CHCHD6: variants seen among roughly 807,000 people sequenced by gnomAD.
CHCHD6 encodes MICOS complex subunit MIC25.
A neutral mutation model predicts 32.3 loss-of-function variants in CHCHD6; 28 were observed. The ratio of observed to expected loss-of-function variants is 0.87; its 90% CI spans 0.64 to 1.19. The LOEUF is 1.19. Ranked by LOEUF, CHCHD6 falls within the 50% of genes most tolerant of loss-of-function variation. CHCHD6 has a pLI of 0.00. For synonymous variants in CHCHD6, 122 were observed against 117.5 expected, an observed-to-expected ratio of 1.04 and a Z score of -0.25; for missense variants, 333 against 307.0, an observed-to-expected ratio of 1.08 and a Z score of -0.63.
intron 4 of CHCHD6, among the ~76,000 whole-genome samples, chr3:126,755,786 T>C (rs1170851913): frequency 6.6e-6 from 1 of 152,102 alleles, no homozygotes; most frequent in Non-Finnish European, 1.5e-5. Context: ...TTGTGAAATA[T>C]CCAGGTGTTG....
At chr3:126,748,690 T>C (rs547721118) in intron 4 of CHCHD6, among the ~76,000 whole-genome samples, 1 of 152,304 alleles carries the variant, frequency 6.6e-6, no homozygotes, top group East Asian at 1.9e-4. Flanking sequence ...TCAAGGGGTA[T>C]TTATCACCAA....
chr3:126,902,918 C>A (rs1404337103), intron 5 of CHCHD6, among the ~76,000 whole-genome samples: 1 of 152,050 alleles, frequency 6.6e-6, no homozygotes, highest in Non-Finnish European at 1.5e-5. Context: ...TGGAAGCCAT[C>A]CTTTGAGTAG....
At chr3:126,761,074 C>T (rs1490220249) in intron 4 of CHCHD6, among the ~76,000 whole-genome samples, 1 of 152,244 alleles carries the variant, frequency 6.6e-6, no homozygotes, top group South Asian at 2.1e-4. Flanking sequence ...AAGCGATCCT[C>T]CTGCCTTGGC....
intron 1 of CHCHD6, among the ~76,000 whole-genome samples, chr3:126,716,605 A>G (rs917514788): frequency 3.0e-4 from 46 of 152,002 alleles, no homozygotes; most frequent in African/African-American, 1.0e-3. Context: ...ATAAATATTT[A>G]ATTCATGTGG....
rs116547886 is a variant in CHCHD6 at position 126,941,929 on chromosome 3, C to G, written c.567-15487C>G. ...CACAGACCACACTTCACCTGCTACC[C>G]TAATGTTGTCGTTTCCTTTCTGGTC... On this transcript the variant is annotated intron_variant, in intron 6 of 7. Transcript: ENST00000290913. Among the ~76,000 whole-genome samples the G allele has an allele frequency of 3.5e-3, 533 of 152,332 alleles. 10 individuals carry two copies. Among genetic ancestry groups the G allele is most frequent in the African/African-American group, 0.012 (517 of 41,566 alleles).
chr3:126,759,985 G>C (rs955700335), intron 4 of CHCHD6, among the ~76,000 whole-genome samples: 1 of 152,146 alleles, frequency 6.6e-6, no homozygotes, highest in African/African-American at 2.4e-5. Flanking sequence ...CTCACATGGT[G>C]AGAACAGGAG....
At chr3:126,778,288 C>G (rs1412650219) in intron 4 of CHCHD6, among the ~76,000 whole-genome samples, 1 of 152,166 alleles carries the variant, frequency 6.6e-6, no homozygotes, top group East Asian at 1.9e-4. Context: ...ATATACTTTG[C>G]AATGGAATGG....
At chr3:126,877,847 T>C (rs1219637410) in intron 5 of CHCHD6, among the ~76,000 whole-genome samples, 1 of 152,208 alleles carries the variant, frequency 6.6e-6, no homozygotes, top group Non-Finnish European at 1.5e-5. Flanking sequence ...GTCTGAATTA[T>C]TTATTAGCAC....
intron 5 of CHCHD6, among the ~76,000 whole-genome samples, chr3:126,857,416 A>T (rs540852389): frequency 1.6e-4 from 24 of 152,142 alleles, no homozygotes; most frequent in Non-Finnish European, 2.8e-4. Flanking sequence ...TCCTCCCTGT[A>T]CCTTTCAGAT....
intron 4 of CHCHD6, among the ~76,000 whole-genome samples, chr3:126,799,016 G>T (rs941097973): frequency 2.0e-5 from 3 of 152,194 alleles, no homozygotes; most frequent in African/African-American, 7.2e-5. Flanking sequence ...TCTGGTGCTG[G>T]TGAGGTGTTC....
intron 1 of CHCHD6, among the ~76,000 whole-genome samples, chr3:126,707,025 G>T (rs1482545962): frequency 6.6e-6 from 1 of 152,134 alleles, no homozygotes; most frequent in Non-Finnish European, 1.5e-5. Context: ...TCAGCACTTT[G>T]GGAGGCCGAA....
chr3:126,921,327 G>T (rs1171854564), intron 6 of CHCHD6, among the ~76,000 whole-genome samples: 1 of 152,172 alleles, frequency 6.6e-6, no homozygotes, highest in Admixed American at 6.5e-5. Context: ...AGGGCCTCTT[G>T]TTTTGGAAGA....
intron 5 of CHCHD6, among the ~76,000 whole-genome samples, chr3:126,877,322 G>A (rs899234942): frequency 3.3e-5 from 5 of 152,124 alleles, no homozygotes; most frequent in Admixed American, 1.3e-4. Flanking sequence ...TTGGGAGGCC[G>A]AGGTGGGTGG....
At chr3:126,730,893 G>C (rs1270321161) in intron 3 of CHCHD6, among the ~76,000 whole-genome samples, 1 of 152,052 alleles carries the variant, frequency 6.6e-6, no homozygotes, top group East Asian at 1.9e-4. Flanking sequence ...AGGGTTGCTT[G>C]AGGCCAGGAG....
rs556627049 is a variant in CHCHD6, at chr3:126,897,245, G to A, written c.496-17435G>A. Among the ~76,000 whole-genome samples, 17 of 152,274 alleles carry A rather than the reference G, an allele frequency of 1.1e-4. No homozygotes were observed. The South Asian group carries it at 3.3e-3, about 30-fold the overall frequency. ...TTCATCGAGGCTGGCCGCATTTCAG[G>A]AACCATTAATCCTCTTTCTATCTCT... On this transcript the variant is annotated intron_variant, in intron 5 of 7. Transcript: ENST00000290913.
At chr3:126,897,821 C>T (rs2077862909) in intron 5 of CHCHD6, among the ~76,000 whole-genome samples, 1 of 152,226 alleles carries the variant, frequency 6.6e-6, no homozygotes, top group Non-Finnish European at 1.5e-5. Flanking sequence ...CCTGTCCCTT[C>T]CCTCCAGCTG....
At chr3:126,800,599 A>T (rs1939016438) in intron 4 of CHCHD6, among the ~76,000 whole-genome samples, 1 of 152,184 alleles carries the variant, frequency 6.6e-6, no homozygotes, top group African/African-American at 2.4e-5. Context: ...CTACGAGATA[A>T]AACGTCACAG....
chr3:126,933,840 T>G (rs911669048), intron 6 of CHCHD6, among the ~76,000 whole-genome samples: 1 of 152,192 alleles, frequency 6.6e-6, no homozygotes, highest in African/African-American at 2.4e-5. Flanking sequence ...TTAGAAAATT[T>G]GATGTTTTTA....
intron 5 of CHCHD6, among the ~76,000 whole-genome samples, chr3:126,889,984 G>A (rs890115327): frequency 3.3e-5 from 4 of 121,020 alleles, no homozygotes; most frequent in African/African-American, 1.6e-4. Context: ...CAGCGTTGAC[G>A]GGCTTTGTCC....
Sources: allele counts gnomAD v4.1 joint callset (sites outside exome capture counted in the v4.1 genomes callset), GRCh38; gene constraint gnomAD v4.1.1; transcripts MANE v1.5; gene names NCBI Gene and HGNC (gene_info 2026-07-23, HGNC 2026-07-21).